Variants in PDE4D observed in about 807,000 individuals in gnomAD.
PDE4D encodes the protein 3',5'-cyclic-AMP phosphodiesterase 4D.
Under a neutral mutation model 87.4 loss-of-function variants are expected in PDE4D, and 24 were observed. That is an observed-to-expected ratio of 0.27 (90% CI 0.20 to 0.39). The LOEUF (loss-of-function observed/expected upper bound fraction) is 0.39. Among genes scored for constraint, PDE4D ranks in the 10% least tolerant of loss-of-function variants. PDE4D has a pLI of 1.00. For synonymous variants in PDE4D, 384 were observed against 383.2 expected, an observed-to-expected ratio of 1.00 and a Z score of -0.02; for missense variants, 714 against 1,041.0, an observed-to-expected ratio of 0.69 and a Z score of 4.32.
chr5:59,833,689 G>A (rs1184729525), intron 1 of PDE4D, among the ~76,000 whole-genome samples: 4 of 151,986 alleles, frequency 2.6e-5, no homozygotes, highest in Admixed American at 2.6e-4. Flanking sequence ...GTGGTGATGT[G>A]TGTGGTATGT....
At chr5:60,500,149 AAAAAAATTAGCT>A in intron 1 of PDE4D, among the ~76,000 whole-genome samples, 1 of 151,844 alleles carries the variant, frequency 6.6e-6, no homozygotes, top group South Asian at 2.1e-4. Context: ...CTAGAAAAAT[AAAAAAATTAGCT>A]GGGTGTGGTG....
At chr5:60,271,775 A>G (rs966103764) in intron 1 of PDE4D, among the ~76,000 whole-genome samples, 7 of 152,256 alleles carry the variant, frequency 4.6e-5, no homozygotes, top group African/African-American at 1.7e-4. Context: ...ACTAAGCCAT[A>G]CTTTTCCATA....
chr5:60,336,187 A>G (rs2149882364), intron 1 of PDE4D, among the ~76,000 whole-genome samples: 1 of 152,354 alleles, frequency 6.6e-6, no homozygotes, highest in South Asian at 2.1e-4. Flanking sequence ...GGACTTGCCA[A>G]AAGTCTTTTA....
At chr5:59,210,759 CTA>C (rs1315987605) in intron 2 of PDE4D, among the ~76,000 whole-genome samples, 32 of 152,112 alleles carry the variant, frequency 2.1e-4, no homozygotes, top group African/African-American at 7.7e-4. Context: ...TCTTTGCATT[CTA>C]TGTGTTGGTG....
At chr5:60,327,168 C>G (rs976807434) in intron 1 of PDE4D, among the ~76,000 whole-genome samples, 5 of 152,138 alleles carry the variant, frequency 3.3e-5, no homozygotes, top group African/African-American at 1.2e-4. Context: ...ATAACTTTTA[C>G]ATGACACAGG....
At chr5:60,311,384 C>G (rs1755027687) in intron 1 of PDE4D, among the ~76,000 whole-genome samples, 1 of 152,198 alleles carries the variant, frequency 6.6e-6, no homozygotes, top group African/African-American at 2.4e-5. Context: ...AGAAACCCTA[C>G]AAGCCAGACG....
chr5:59,186,785 A>T lies in PDE4D; in HGVS notation c.685-1523T>A, dbSNP rs1328319979. Among the ~76,000 whole-genome samples the T allele has an allele frequency of 3.9e-5, 6 of 152,032 alleles. 1 individual carries two copies. The highest frequency in any genetic ancestry group is 1.4e-4 in the African/African-American group (6 of 41,380). ...CTGGAAAAACCTGGCTCATTATCTC[A>T]TATAAACAACCCACGGCTCTGAAAG... On this transcript the variant is annotated intron_variant, in intron 3 of 14. Coordinates refer to ENST00000340635, the MANE Select transcript of PDE4D (RefSeq NM_001104631.2).
At chr5:60,123,300 C>T in intron 2 of PDE4D, among the ~76,000 whole-genome samples, 1 of 152,092 alleles carries the variant, frequency 6.6e-6, no homozygotes, top group Non-Finnish European at 1.5e-5. Flanking sequence ...CTGTATTAGT[C>T]CATTTTCACA....
chr5:59,023,199 G>A (rs1254747100), intron 6 of PDE4D, among the ~76,000 whole-genome samples: 1 of 151,338 alleles, frequency 6.6e-6, no homozygotes, highest in Non-Finnish European at 1.5e-5. Context: ...AAGAGAGAGA[G>A]AGAGAAAATA....
intron 1 of PDE4D, among the ~76,000 whole-genome samples, chr5:59,378,797 C>T (rs753785745): frequency 1.4e-4 from 21 of 152,070 alleles, no homozygotes; most frequent in Non-Finnish European, 2.1e-4. Context: ...AATTTTTATA[C>T]CAGGTCATTC....
intron 5 of PDE4D, among the ~76,000 whole-genome samples, chr5:59,043,045 A>G (rs959403070): frequency 6.6e-6 from 1 of 152,236 alleles, no homozygotes; most frequent in African/African-American, 2.4e-5. Context: ...GATCCACTGT[A>G]CGGGATGTGT....
At chr5:60,373,830 G>T (rs1761222409) in intron 1 of PDE4D, among the ~76,000 whole-genome samples, 1 of 152,038 alleles carries the variant, frequency 6.6e-6, no homozygotes, top group Admixed American at 6.5e-5. Context: ...CCCTTCCTCT[G>T]TCTTCAAAGC....
chr5:59,153,653 G>T (rs1018463111), intron 5 of PDE4D, among the ~76,000 whole-genome samples: 1 of 152,014 alleles, frequency 6.6e-6, no homozygotes, highest in African/African-American at 2.4e-5. Flanking sequence ...CCTACTTCAG[G>T]TCTATTGAAC....
rs552164530 is a variant in PDE4D at position 59,039,146 on chromosome 5, G to A, written c.809-175C>T. 4 of 1,354,568 alleles carry A rather than the reference G, an allele frequency of 3.0e-6. No homozygotes were observed. The South Asian group carries it at 6.9e-5, about 23-fold the overall frequency. The allele number at this position is 1,354,568 out of a possible 1,614,324, so 83.9% of individuals were successfully genotyped here. A position where few individuals can be genotyped will look rare whatever the true frequency, so the allele number is the denominator to read the frequency against. Reference sequence around the variant, plus strand: ...GCAGTGCAACGGGGGCGGAGGCTGTGCTCGCGGGGCGGCCGGCCTCGGGGA... The same window carrying A: ...GCAGTGCAACGGGGGCGGAGGCTGTACTCGCGGGGCGGCCGGCCTCGGGGA... On this transcript the variant is annotated intron_variant, in intron 5 of 14. Transcript: ENST00000340635.
chr5:60,407,935 C>T (rs952627651), intron 1 of PDE4D, among the ~76,000 whole-genome samples: 1 of 151,970 alleles, frequency 6.6e-6, no homozygotes, highest in Non-Finnish European at 1.5e-5. Context: ...GAAGTGAGGC[C>T]GTGTGATTTC....
chr5:60,335,635 C>T (rs1313090809), intron 1 of PDE4D, among the ~76,000 whole-genome samples: 1 of 152,164 alleles, frequency 6.6e-6, no homozygotes, highest in South Asian at 2.1e-4. Context: ...TCCTGGCAAC[C>T]TTGAGCTTCC....
At chr5:60,515,465 A>G (rs1164140841) in intron 1 of PDE4D, among the ~76,000 whole-genome samples, 1 of 152,188 alleles carries the variant, frequency 6.6e-6, no homozygotes, top group Non-Finnish European at 1.5e-5. Context: ...ACATGGTGTT[A>G]TAAGTTATTA....
chr5:59,708,525 T>C (rs1343477357), intron 1 of PDE4D, among the ~76,000 whole-genome samples: 1 of 152,174 alleles, frequency 6.6e-6, no homozygotes, highest in South Asian at 2.1e-4. Context: ...TGGGAGTCTA[T>C]GGAGCTTATG....
chr5:59,102,881 G>A lies in PDE4D; in HGVS notation c.809-63910C>T, dbSNP rs940355892. Among the ~76,000 whole-genome samples, 9 of 152,260 alleles carry A rather than the reference G, an allele frequency of 5.9e-5. No individual in the cohort carries two copies. The South Asian group carries it at 1.0e-3, about 18-fold the overall frequency. On this transcript the variant is annotated intron_variant, in intron 5 of 14. Coordinates refer to ENST00000340635, the MANE Select transcript of PDE4D (RefSeq NM_001104631.2). ...TGGTCAGTATATACTTGGCATGCCT[G>A]GGGAGGGGGAGCATAACACTTAACA...
Sources: allele counts gnomAD v4.1 joint callset (sites outside exome capture counted in the v4.1 genomes callset), GRCh38; gene constraint gnomAD v4.1.1; transcripts MANE v1.5; gene names NCBI Gene and HGNC (gene_info 2026-07-23, HGNC 2026-07-21).